Variants in PALS1 observed in about 807,000 individuals in gnomAD.
PALS1 encodes protein PALS1.
PALS1 carries 31 observed loss-of-function variants against 78.9 expected under a neutral mutation model. The ratio of observed to expected loss-of-function variants is 0.39; its 90% CI spans 0.30 to 0.53. The LOEUF (loss-of-function observed/expected upper bound fraction) is 0.53. Among genes scored for constraint, PALS1 ranks in the 20% least tolerant of loss-of-function variants. PALS1 has a pLI of 0.67. For synonymous variants in PALS1, 276 were observed against 270.9 expected (o/e 1.02, Z -0.18); for missense variants, 704 against 826.5 (o/e 0.85, Z 1.82).
rs1033026852 is a variant in PALS1, at chr14:67,326,114, C to T, written c.1851+2302C>T. 4.0e-5 allele frequency among the ~76,000 whole-genome samples: 6 copies of T among 150,610 alleles called. No homozygotes were observed. The East Asian group carries it at 5.8e-4, about 15-fold the overall frequency. On this transcript the variant is annotated intron_variant, in intron 14 of 14. Coordinates refer to ENST00000261681, the MANE Select transcript of PALS1 (RefSeq NM_022474.4). ...TACTGGGATTACAGGCGTGAGCCAC[C>T]GTGCCCGGCCAGCATCTTTCTTTTG...
intron 3 of PALS1, among the ~76,000 whole-genome samples, chr14:67,285,457 C>G (rs569816130): frequency 6.6e-6 from 1 of 151,638 alleles, no homozygotes; most frequent in African/African-American, 2.4e-5. Context: ...AGCTCCACCT[C>G]CCAGGTTCAC....
chr14:67,309,551 C>T (rs558043164), intron 8 of PALS1, among the ~76,000 whole-genome samples: 2 of 152,116 alleles, frequency 1.3e-5, no homozygotes, highest in Admixed American at 6.5e-5. Flanking sequence ...GGGCCCTGTT[C>T]CAAGCCAGTT....
At chr14:67,316,156 T>G (rs2085172265) in intron 9 of PALS1, among the ~76,000 whole-genome samples, 1 of 152,208 alleles carries the variant, frequency 6.6e-6, no homozygotes, top group Admixed American at 6.5e-5. Flanking sequence ...GTGAAGCCAC[T>G]TGTATCCTAT....
At chr14:67,264,956 G>A (rs2084298190) in intron 1 of PALS1, among the ~76,000 whole-genome samples, 1 of 151,944 alleles carries the variant, frequency 6.6e-6, no homozygotes, top group Non-Finnish European at 1.5e-5. Flanking sequence ...CATCCATGAG[G>A]GCAGATGATT....
rs1360026145 is a variant in PALS1 at position 67,334,129 on chromosome 14, G to GGAAAA, written c.*1177_*1181dup. The GGAAAA allele has an allele frequency of 6.6e-6, 1 of 152,522 alleles. No homozygotes were observed. Among genetic ancestry groups the GGAAAA allele is most frequent in the African/African-American group, 2.4e-5 (1 of 41,426 alleles). The allele number at this position is 152,522 out of a possible 1,614,324, so 9.4% of individuals were successfully genotyped here. A position where few individuals can be genotyped will look rare whatever the true frequency, so the allele number is the denominator to read the frequency against. On this transcript the variant is annotated 3_prime_UTR_variant, in exon 15 of 15. Transcript: ENST00000261681. ...ACCTGAAAGTCATTTGAACATTTTA[G>GGAAAA]GAAAAGAATATTGGAGAGAAAAAGG...
At chr14:67,252,651 A>T (rs556771163) in intron 1 of PALS1, among the ~76,000 whole-genome samples, 1 of 152,330 alleles carries the variant, frequency 6.6e-6, no homozygotes, top group East Asian at 1.9e-4. Context: ...ATTGTAGGAC[A>T]CCCAGTCGGT....
chr14:67,308,595 G>A (rs2085044906), intron 8 of PALS1, among the ~76,000 whole-genome samples: 1 of 148,500 alleles, frequency 6.7e-6, no homozygotes, highest in Non-Finnish European at 1.5e-5. Flanking sequence ...GTCCAGGCTG[G>A]AGTGCAATGG....
intron 1 of PALS1, among the ~76,000 whole-genome samples, chr14:67,259,824 A>T (rs1346897155): frequency 2.0e-5 from 3 of 150,620 alleles, no homozygotes; most frequent in Admixed American, 2.0e-4. Flanking sequence ...AAGCAGGAGG[A>T]TTGCTTGAGC....
At chr14:67,301,555 C>A in intron 5 of PALS1, 89 bp downstream of exon 5, 1 of 756,474 alleles carries the variant, frequency 1.3e-6, no homozygotes, top group Non-Finnish European at 2.1e-6. Context: ...GAAGAGATGT[C>A]AAACATTCTC....
At chr14:67,276,782 A>G (rs2084513102) in intron 2 of PALS1, among the ~76,000 whole-genome samples, 1 of 152,212 alleles carries the variant, frequency 6.6e-6, no homozygotes, top group African/African-American at 2.4e-5. Flanking sequence ...ATATACAAGT[A>G]TGATAGTAAA....
In PALS1 at chr14:67,328,437, A is replaced by G. The variant is rs556737189; in HGVS notation, c.1852-4343A>G. Among the ~76,000 whole-genome samples, 535 of 152,202 alleles carry G rather than the reference A, an allele frequency of 3.5e-3. 4 individuals are homozygous for G. The highest frequency in any genetic ancestry group is 0.012 in the African/African-American group (501 of 41,492). On this transcript the variant is annotated intron_variant, in intron 14 of 14. Coordinates refer to ENST00000261681, the MANE Select transcript of PALS1 (RefSeq NM_022474.4). ...TTTTCTCCCATTCTGTAGGTTGCCT[A>G]TTCACTCTGATGGTAGTTTCTTTTG...
rs1355290073 is a variant in PALS1, at chr14:67,302,126, T to G, written c.801+8T>G. 2 of 1,589,012 alleles carry G rather than the reference T, an allele frequency of 1.3e-6. No individual in the cohort carries two copies. The highest frequency in any genetic ancestry group is 8.5e-7 in the Non-Finnish European group (1 of 1,170,200). On this transcript the variant is annotated splice_region_variant and intron_variant, in intron 6 of 14. Transcript: ENST00000261681. ...GCTCGTGATATTCCGTTGGTAAGTG[T>G]CCCACATACTGTTTTTAAACAAGTG...
Position 67,284,979 on chromosome 14 carries a change from G to T in PALS1, c.367+5442G>T, listed in dbSNP as rs1389642059. The stretch of plus-strand genomic sequence containing the variant: ...TTGCCCAGGCTGGTCTTGACCTCCT[G>T]GCCTCAAGTGATCCTCCCACCGTGG... On this transcript the variant is annotated intron_variant, in intron 3 of 14. Coordinates refer to ENST00000261681, the MANE Select transcript of PALS1 (RefSeq NM_022474.4). Among the ~76,000 whole-genome samples, 4 of 151,804 alleles carry T rather than the reference G, an allele frequency of 2.6e-5. No individual in the cohort carries two copies. In the East Asian group the frequency reaches 7.7e-4, roughly 29 times the overall value.
chr14:67,297,543 T>G lies in PALS1; in HGVS notation c.577-3846T>G, dbSNP rs575938603. On this transcript the variant is annotated intron_variant, in intron 4 of 14. Coordinates refer to ENST00000261681, the MANE Select transcript of PALS1 (RefSeq NM_022474.4). The stretch of plus-strand genomic sequence containing the variant: ...ATCTACTGAAGAATTTTAAACAGAT[T>G]TATATAAACAGGCTTCTAATTTAAA... Among the ~76,000 whole-genome samples the G allele has an allele frequency of 2.6e-5, 4 of 152,308 alleles. 1 individual carries two copies. The highest frequency in any genetic ancestry group is 9.6e-5 in the African/African-American group (4 of 41,570).
chr14:67,289,519 T>C (rs6573765), intron 3 of PALS1, among the ~76,000 whole-genome samples: 51,049 of 151,914 alleles, frequency 0.34, 13,853 homozygotes, highest in African/African-American at 0.73. Flanking sequence ...TACCGAGGGA[T>C]AACTATATAT....
intron 1 of PALS1, among the ~76,000 whole-genome samples, chr14:67,266,907 C>G (rs944171525): frequency 6.6e-6 from 1 of 151,876 alleles, no homozygotes; most frequent in Non-Finnish European, 1.5e-5. Context: ...CCTAGGAGTT[C>G]GACACCAGCC....
chr14:67,331,399 C>T (rs1357859782), intron 14 of PALS1, among the ~76,000 whole-genome samples: 1 of 151,894 alleles, frequency 6.6e-6, no homozygotes, highest in Non-Finnish European at 1.5e-5. Flanking sequence ...TGAAGTAAAA[C>T]AGATTTTCAA....
intron 4 of PALS1, among the ~76,000 whole-genome samples, chr14:67,298,131 T>C (rs2084883852): frequency 6.6e-6 from 1 of 152,168 alleles, no homozygotes; most frequent in East Asian, 1.9e-4. Flanking sequence ...TTAGATTTAA[T>C]ACTAAGGAGC....
intron 3 of PALS1, among the ~76,000 whole-genome samples, chr14:67,290,872 G>A (rs190080634): frequency 2.0e-4 from 30 of 152,248 alleles, no homozygotes; most frequent in South Asian, 1.0e-3. Context: ...AGAATCATTG[G>A]TTATTTGGAG....
Sources: allele counts gnomAD v4.1 joint callset (sites outside exome capture counted in the v4.1 genomes callset), GRCh38; gene constraint gnomAD v4.1.1; transcripts MANE v1.5; gene names NCBI Gene and HGNC (gene_info 2026-07-23, HGNC 2026-07-21).